HK2: variants seen among roughly 807,000 people sequenced by gnomAD.
HK2 encodes hexokinase 2.
Under a neutral mutation model 92.9 loss-of-function variants are expected in HK2, and 42 were observed. The ratio of observed to expected loss-of-function variants is 0.45; its 90% confidence interval spans 0.35 to 0.58. The LOEUF is 0.58. HK2 is among the 20% of genes least tolerant of loss of function. The pLI is 0.00. For missense variants in HK2, 978 were observed against 1,245.1 expected, an observed-to-expected ratio of 0.79 and a Z score of 3.23; for synonymous variants, 422 against 468.0, an observed-to-expected ratio of 0.90 and a Z score of 1.27.
intron 2 of HK2, among the ~76,000 whole-genome samples, chr2:74,862,510 T>TAATG (rs1688853652): frequency 6.6e-6 from 1 of 152,214 alleles, no homozygotes; most frequent in African/African-American, 2.4e-5. Flanking sequence ...TCGGGCCATA[T>TAATG]AATGCAAGCA....
At chr2:74,844,041 CCCAGGCAATGTGACTCCAGAG>C (rs1280690358) in intron 1 of HK2, among the ~76,000 whole-genome samples, 3 of 152,208 alleles carry the variant, frequency 2.0e-5, no homozygotes, top group Non-Finnish European at 4.4e-5. Context: ...AGAATCCAGA[CCCAGGCAATGTGACTCCAGAG>C]CCAGTGCCCT....
At position 74,868,418 on chromosome 2, in the gene HK2, T is replaced by C. The variant is rs535276328; in HGVS notation, c.375+634T>C. On this transcript the variant is annotated intron_variant, in intron 3 of 17. Transcript: ENST00000290573. ...GAGATTGGGTCCTGTATTCAGGCAC[T>C]CTAGCTGTGTGATTCTGGGCAAGTG... Among the ~76,000 whole-genome samples, 12 of 152,288 alleles carry C rather than the reference T, an allele frequency of 7.9e-5. No homozygotes were observed. The South Asian group carries it at 2.3e-3, about 29-fold the overall frequency.
chr2:74,877,411 C>T (rs570410813), intron 8 of HK2, 90 bp downstream of exon 8: 93 of 1,449,016 alleles, frequency 6.4e-5, no homozygotes, highest in Non-Finnish European at 8.9e-5. Flanking sequence ...TACCTTTTGA[C>T]TCTTCAAGTA....
At position 74,886,420 on chromosome 2, in the gene HK2, A is replaced by C. The variant is rs1036071440; in HGVS notation, c.2035+27A>C. 3 of 1,613,720 alleles carry C rather than the reference A, an allele frequency of 1.9e-6. No homozygotes were observed. The African/African-American group carries it at 4.0e-5, about 22-fold the overall frequency. On this transcript the variant is annotated intron_variant, in intron 14 of 17. Transcript: ENST00000290573. ...TAAGGACCCAGACTGTCCTTTCCAC[A>C]TGGGGATGCACAGCCTTGGGTGTGG...
intron 1 of HK2, among the ~76,000 whole-genome samples, chr2:74,849,173 G>T (rs1419715830): frequency 6.6e-6 from 1 of 152,196 alleles, no homozygotes; most frequent in Non-Finnish European, 1.5e-5. Context: ...TACTTAAGGG[G>T]ATGGGTGTTA....
intron 16 of HK2, 105 bp downstream of exon 16, chr2:74,888,163 C>T: frequency 1.6e-6 from 2 of 1,242,912 alleles, no homozygotes; most frequent in East Asian, 2.3e-5. Flanking sequence ...ATACAAAAGT[C>T]AGTTTAGTGG....
At position 74,892,521 on chromosome 2, in the gene HK2, C is replaced by CCTA. The variant is rs1446710917; in HGVS notation, c.*1583_*1585dup. 1 of 152,066 alleles carries CCTA rather than the reference C, an allele frequency of 6.6e-6. No homozygotes were observed. Among genetic ancestry groups the CCTA allele is most frequent in the Non-Finnish European group, 1.5e-5 (1 of 68,018 alleles). The allele number at this position is 152,066 out of a possible 1,614,324, so 9.4% of individuals were successfully genotyped here. On this transcript the variant is annotated 3_prime_UTR_variant, in exon 18 of 18. Coordinates refer to ENST00000290573, the MANE Select transcript of HK2 (RefSeq NM_000189.5). Reference sequence around the variant, plus strand: ...TGAGAGTGGCTTAAAAACTTCCATCCCTACTTTTCAAGAGTGCAGTTGATT... The same window carrying CCTA: ...TGAGAGTGGCTTAAAAACTTCCATCCCTACTACTTTTCAAGAGTGCAGTTGATT...
chr2:74,854,045 A>G (rs1386856173), intron 1 of HK2, among the ~76,000 whole-genome samples: 1 of 152,032 alleles, frequency 6.6e-6, no homozygotes, highest in East Asian at 1.9e-4. Flanking sequence ...CTCTGTCCTA[A>G]TAGGCCTTTC....
chr2:74,875,314 A>G (rs1573382047), intron 7 of HK2, among the ~76,000 whole-genome samples: 1 of 144,682 alleles, frequency 6.9e-6, no homozygotes, highest in East Asian at 2.1e-4. Flanking sequence ...AACCCAGGAG[A>G]GTCCTTGCTT....
intron 2 of HK2, 58 bp from the exon 3 acceptor site, chr2:74,867,578 G>A (rs201974207): frequency 1.4e-4 from 218 of 1,602,574 alleles, no homozygotes; most frequent in Middle Eastern, 4.5e-4. Context: ...TTTAAGTCTC[G>A]GTTGGTTCCT....
At chr2:74,882,067 G>A in intron 11 of HK2, 53 bp from the exon 12 acceptor site, 2 of 1,572,652 alleles carry the variant, frequency 1.3e-6, no homozygotes, top group Non-Finnish European at 1.8e-6. Context: ...CCTACTGGGG[G>A]CAGCCTGCCC....
At chr2:74,837,953 C>G (rs1036287246) in intron 1 of HK2, among the ~76,000 whole-genome samples, 1 of 152,162 alleles carries the variant, frequency 6.6e-6, no homozygotes, top group African/African-American at 2.4e-5. Context: ...GGATTACAGG[C>G]GTGAGCCACC....
In HK2 at chr2:74,861,563, G is replaced by A. The variant is rs199775953; in HGVS notation, c.227-6073G>A. On this transcript the variant is annotated intron_variant, in intron 2 of 17. Coordinates refer to ENST00000290573, the MANE Select transcript of HK2 (RefSeq NM_000189.5). ...CTCACTTTAAAAATGAGGCAACCAAGGCTAAAAAAGGATTGATGGCTGCCA... is the reference window on the plus strand; with the variant it reads ...CTCACTTTAAAAATGAGGCAACCAAAGCTAAAAAAGGATTGATGGCTGCCA... Among the ~76,000 whole-genome samples, 20 of 152,172 alleles carry A rather than the reference G, an allele frequency of 1.3e-4. No individual in the cohort carries two copies. The East Asian group carries it at 3.8e-3, about 29-fold the overall frequency.
intron 12 of HK2, among the ~76,000 whole-genome samples, chr2:74,883,332 C>T (rs986435639): frequency 5.3e-5 from 8 of 152,160 alleles, no homozygotes; most frequent in Admixed American, 3.3e-4. Context: ...CTGAAGCCCC[C>T]AGGACAGGTA....
chr2:74,849,497 C>G (rs895036607), intron 1 of HK2, among the ~76,000 whole-genome samples: 3 of 152,204 alleles, frequency 2.0e-5, no homozygotes, highest in Non-Finnish European at 4.4e-5. Flanking sequence ...CTCCGATTCC[C>G]CAGCCTGGAA....
At chr2:74,843,650 C>G (rs556385040) in intron 1 of HK2, among the ~76,000 whole-genome samples, 2 of 152,328 alleles carry the variant, frequency 1.3e-5, no homozygotes, top group South Asian at 4.1e-4. Flanking sequence ...TCCACCATTT[C>G]TGCCCTGGAT....
intron 1 of HK2, among the ~76,000 whole-genome samples, chr2:74,845,596 C>T (rs534563710): frequency 1.3e-5 from 2 of 152,366 alleles, no homozygotes; most frequent in South Asian, 4.1e-4. Context: ...GGAGGAGTGG[C>T]CCGTATGCCT....
chr2:74,844,514 G>T (rs1264288004), intron 1 of HK2, among the ~76,000 whole-genome samples: 2 of 152,248 alleles, frequency 1.3e-5, no homozygotes, highest in Non-Finnish European at 2.9e-5. Flanking sequence ...GCAGGGAAGT[G>T]TGGGTACCTT....
At position 74,888,007 on chromosome 2, in the gene HK2, G is replaced by A. The variant is rs185927605; in HGVS notation, c.2324G>A (p.Arg775Gln). The stretch of plus-strand genomic sequence containing the variant: ...CTCTTCCGAGGCCGCATCTCAGAGC[G>A]GCTCAAGACAAGGGGCATCTTTGAA... ...GLLFRGRISE[R>Q]LKTRGIFETK... is the part of the protein sequence containing the mutation. Residue 775 changes from arginine to glutamine, a missense_variant, in exon 16 of 18, where the codon CGG (arginine) becomes CAG (glutamine). By Grantham distance (43) the Arg-to-Gln change is conservative (BLOSUM62 1). Coordinates refer to ENST00000290573, the MANE Select transcript of HK2 (RefSeq NM_000189.5). 725 of 1,614,192 alleles carry A rather than the reference G, an allele frequency of 4.5e-4. 2 individuals carry two copies. The highest frequency in any genetic ancestry group is 3.1e-5 in the Non-Finnish European group (37 of 1,180,024).
Sources: gnomAD v4.1 joint callset for allele counts (sites outside exome capture counted in the v4.1 genomes callset) on GRCh38, gnomAD v4.1.1 for gene constraint, MANE v1.5 for transcripts, NCBI Gene and HGNC (gene_info 2026-07-23, HGNC 2026-07-21) for gene names.